Variants in ABCA5 observed in about 807,000 individuals in gnomAD.
ABCA5 encodes ATP binding cassette subfamily A member 5.
ABCA5 carries 163 observed loss-of-function variants against 206.0 expected under a neutral mutation model. That is an observed-to-expected ratio of 0.79 (90% CI 0.70 to 0.90). ABCA5 has a LOEUF of 0.90. Ranked by LOEUF, ABCA5 falls within the 40% of genes least tolerant of loss-of-function variation. The pLI, the probability that ABCA5 is intolerant of heterozygous loss-of-function variation, is 0.00. For missense variants in ABCA5, 1,859 were observed against 1,912.9 expected, an observed-to-expected ratio of 0.97 and a Z score of 0.53; for synonymous variants, 609 against 613.8, an observed-to-expected ratio of 0.99 and a Z score of 0.11.
At chr17:69,289,057 T>C (rs2075495280) in intron 14 of ABCA5, 120 bp downstream of exon 14, 2 of 964,594 alleles carry the variant, frequency 2.1e-6, no homozygotes, top group Non-Finnish European at 2.9e-6. Context: ...ATATCCATAA[T>C]AACATACAGC....
chr17:69,316,396 A>C (rs1205545223), intron 1 of ABCA5, among the ~76,000 whole-genome samples: 1 of 152,030 alleles, frequency 6.6e-6, no homozygotes. Context: ...GGGAGGCAAA[A>C]GAATCGCTTG....
At chr17:69,283,572 T>TA (rs2075419461) in intron 18 of ABCA5, among the ~76,000 whole-genome samples, 2 of 152,228 alleles carry the variant, frequency 1.3e-5, no homozygotes, top group African/African-American at 4.8e-5. Context: ...AGCTTCACTA[T>TA]GGCTCCGGCC....
At chr17:69,320,619 A>G (rs2075856449) in intron 1 of ABCA5, among the ~76,000 whole-genome samples, 1 of 152,208 alleles carries the variant, frequency 6.6e-6, no homozygotes, top group Non-Finnish European at 1.5e-5. Context: ...GAAAAGAATG[A>G]AACATTCTTA....
At chr17:69,318,980 C>T in intron 1 of ABCA5, 1 of 515,620 alleles carries the variant, frequency 1.9e-6, no homozygotes, top group Non-Finnish European at 3.5e-6. Flanking sequence ...GGCTGTTCAG[C>T]AGAAAAACCC....
chr17:69,286,416 T>C, intron 15 of ABCA5, 105 bp from the exon 16 acceptor site: 1 of 948,772 alleles, frequency 1.1e-6, no homozygotes. Context: ...CATTATGATA[T>C]CATTAATCAT....
chr17:69,311,207 CAAA>C (rs371682148), intron 3 of ABCA5, among the ~76,000 whole-genome samples: 1 of 143,036 alleles, frequency 7.0e-6, no homozygotes, highest in East Asian at 2.0e-4. Context: ...AAGAAAAAGA[CAAA>C]AAAAAAATGC....
chr17:69,250,422 T>C (rs1165617502), intron 36 of ABCA5, 50 bp downstream of exon 36: 1 of 1,532,906 alleles, frequency 6.5e-7, no homozygotes, highest in Non-Finnish European at 8.8e-7. Flanking sequence ...AATAACTTTT[T>C]ATAACCTTTG....
intron 3 of ABCA5, among the ~76,000 whole-genome samples, chr17:69,312,715 G>A (rs1224601265): frequency 6.6e-6 from 1 of 152,106 alleles, no homozygotes; most frequent in African/African-American, 2.4e-5. Context: ...TTCTTGAGTA[G>A]CTGGGACTAC....
At chr17:69,272,727 A>G (rs2075286301) in intron 20 of ABCA5, among the ~76,000 whole-genome samples, 1 of 152,168 alleles carries the variant, frequency 6.6e-6, no homozygotes, top group Non-Finnish European at 1.5e-5. Flanking sequence ...TCCATGCTCC[A>G]GGTAATTTTC....
intron 15 of ABCA5, among the ~76,000 whole-genome samples, chr17:69,287,150 C>A (rs766478024): frequency 5.9e-5 from 9 of 152,134 alleles, no homozygotes; most frequent in Non-Finnish European, 8.8e-5. Flanking sequence ...GTGATCAGCA[C>A]CCAATAAGAA....
At chr17:69,290,734 G>A (rs1412096591) in intron 12 of ABCA5, among the ~76,000 whole-genome samples, 2 of 152,036 alleles carry the variant, frequency 1.3e-5, no homozygotes, top group African/African-American at 4.8e-5. Context: ...ATAATATGGA[G>A]CTACTATAAT....
intron 1 of ABCA5, among the ~76,000 whole-genome samples, chr17:69,316,389 A>C (rs1269763931): frequency 6.6e-6 from 1 of 152,040 alleles, no homozygotes; most frequent in African/African-American, 2.4e-5. Context: ...GCTACTGGGG[A>C]GGCAAAAGAA....
At chr17:69,284,963 A>G (rs1598177289) in intron 17 of ABCA5, among the ~76,000 whole-genome samples, 1 of 152,334 alleles carries the variant, frequency 6.6e-6, no homozygotes, top group East Asian at 1.9e-4. Context: ...AGTCAACAAC[A>G]AAGTATGGTG....
chr17:69,286,289 T>C lies in ABCA5; in HGVS notation c.2064A>G (p.Gln688=), dbSNP rs1372715838. 3.4e-5 allele frequency: 54 copies of C among 1,592,512 alleles called. No individual in the cohort carries two copies. The highest frequency in any genetic ancestry group is 4.3e-5 in the Non-Finnish European group (51 of 1,174,916). ...ILADRKAVIS[Q]GMLKCVGSSM... is the part of the protein sequence containing the mutation. ...AAGAACCAACACATTTCAGCATTCC[T>C]TGTGATATCACAGCTTTCCTATCTG... The change falls in exon 16 of 39, where the codon CAA becomes CAG. Residue 688 remains glutamine, a synonymous_variant. Coordinates refer to ENST00000392676, the MANE Select transcript of ABCA5 (RefSeq NM_172232.4).
chr17:69,318,695 C>G (rs748829988), intron 1 of ABCA5: 33 of 489,928 alleles, frequency 6.7e-5, no homozygotes, highest in Non-Finnish European at 1.2e-4. Flanking sequence ...TTCCAGCATT[C>G]CATTCCAAGG....
chr17:69,304,634 A>G (rs777895208), intron 7 of ABCA5, 35 bp downstream of exon 7: 2 of 1,480,244 alleles, frequency 1.4e-6, no homozygotes, highest in Non-Finnish European at 1.8e-6. Context: ...ACATTTTGAC[A>G]GTTCTTTATT....
chr17:69,270,088 T>C (rs1262429941), intron 22 of ABCA5, among the ~76,000 whole-genome samples: 1 of 152,132 alleles, frequency 6.6e-6, no homozygotes, highest in Non-Finnish European at 1.5e-5. Flanking sequence ...GCATTATATT[T>C]CAATGAAGCT....
At chr17:69,276,014 T>C (rs2075327516) in intron 19 of ABCA5, among the ~76,000 whole-genome samples, 2 of 151,108 alleles carry the variant, frequency 1.3e-5, no homozygotes. Flanking sequence ...AATAATACTC[T>C]GTTTAAGTCA....
At position 69,306,923 on chromosome 17, in the gene ABCA5, A is replaced by T. The variant is rs762965233; in HGVS notation, c.590T>A (p.Leu197Gln). Reference protein sequence around the residue: ...LKTNVSLWKELESTKAVIMGE... With the variant: ...LKTNVSLWKEQESTKAVIMGE... Reference sequence around the variant, plus strand: ...CATAATAACAGCTTTAGTTGACTCCAGCTCCTTCCAAAGAGAAACATTGGT... The same window carrying T: ...CATAATAACAGCTTTAGTTGACTCCTGCTCCTTCCAAAGAGAAACATTGGT... The change falls in exon 6 of 39, where the codon CTG becomes CAG. Residue 197 changes from leucine to glutamine, a missense_variant. Leu to Gln is a moderately radical substitution (Grantham distance 113). Transcript: ENST00000392676. 74 of 1,566,990 alleles carry T rather than the reference A, an allele frequency of 4.7e-5. No individual in the cohort carries two copies. Among genetic ancestry groups the T allele is most frequent in the Non-Finnish European group, 2.2e-5 (26 of 1,160,212 alleles).
Sources: allele counts gnomAD v4.1 joint callset (sites outside exome capture counted in the v4.1 genomes callset), GRCh38; gene constraint gnomAD v4.1.1; transcripts MANE v1.5; gene names NCBI Gene and HGNC (gene_info 2026-07-23, HGNC 2026-07-21).